The following MUC21 variants were observed in gnomAD, a reference collection of about 807,000 sequenced individuals.
The protein encoded by MUC21 is mucin 21, cell surface associated, also known as mucin-21.
MUC21 carries 8 observed loss-of-function variants against 9.1 expected under a neutral mutation model. The ratio of observed to expected loss-of-function variants is 0.88; its 90% confidence interval spans 0.52 to 1.59. The LOEUF is 1.59. MUC21 is among the 40% of genes most tolerant of loss of function. The pLI, the probability that MUC21 is intolerant of heterozygous loss-of-function variation, is 0.00. For synonymous variants in MUC21, 189 were observed against 275.2 expected (o/e 0.69, Z 3.10); for missense variants, 478 against 694.2 (o/e 0.69, Z 3.50).
Position 30,987,436 on chromosome 6 carries a change from A to G in MUC21, c.1261A>G (p.Thr421Ala), listed in dbSNP as rs774379999. ...STVSSGASTATNSESSTTSSG... is the reference protein window; with the variant it reads ...STVSSGASTAANSESSTTSSG... ...AGTGTCCAGTGGGGCCAGCACTGCC[A>G]CCAATTCTGAGTCCAGCACAACCTC... Residue 421 changes from threonine (T) to alanine (A), a missense_variant, in exon 2 of 3, where the codon ACC becomes GCC. Coordinates refer to ENST00000376296, the MANE Select transcript of MUC21 (RefSeq NM_001010909.5). The G allele has an allele frequency of 1.9e-6, 3 of 1,602,452 alleles. No individual in the cohort carries two copies. The South Asian group carries it at 3.3e-5, about 18-fold the overall frequency.
In MUC21 at chr6:30,989,844, T is replaced by A. The variant is rs905987431; in HGVS notation, c.*1650T>A. On this transcript the variant is annotated 3_prime_UTR_variant, in exon 3 of 3. Coordinates refer to ENST00000376296, the MANE Select transcript of MUC21 (RefSeq NM_001010909.5). ...GGGAGTGTGGGAATCCACCATCTTG[T>A]GGCCACCTCAGACATCACTTCTCTT... 1 of 152,246 alleles carries A rather than the reference T, an allele frequency of 6.6e-6. No individual in the cohort carries two copies. Among genetic ancestry groups the A allele is most frequent in the Non-Finnish European group, 1.5e-5 (1 of 68,046 alleles). The allele number at this position is 152,246 out of a possible 1,614,324, so 9.4% of individuals were successfully genotyped here. A position where few individuals can be genotyped will look rare whatever the true frequency, so the allele number is the denominator to read the frequency against.
rs752224226 is a variant in MUC21 at position 30,984,018 on chromosome 6, TG to T, written c.61+1del. On this transcript the variant is annotated frameshift_variant and splice_region_variant, in exon 1 of 3. Coordinates refer to ENST00000376296, the MANE Select transcript of MUC21 (RefSeq NM_001010909.5). LOFTEE classifies it high-confidence loss of function. ...TTGGTCTACTATTGCATTTAGAAGC[TG>T]GTGAGTGATTTTATTTAAAATCGGG... is the stretch of plus-strand genomic sequence containing the variant. ...MFGLLLHLEA[A>X]TNSNETSTSA... is the part of the protein sequence containing the mutation. 1.3e-6 allele frequency: 1 copy of T among 779,788 alleles called. No individual in the cohort carries two copies. The highest frequency in any genetic ancestry group is 1.7e-5 in the African/African-American group (1 of 59,234). 48.3% of individuals were successfully genotyped at this position (779,788 alleles called of 1,614,324 possible).
Position 30,989,553 on chromosome 6 carries a change from A to C in MUC21, c.*1359A>C, listed in dbSNP as rs1196113325. On this transcript the variant is annotated 3_prime_UTR_variant, in exon 3 of 3. Coordinates refer to ENST00000376296, the MANE Select transcript of MUC21 (RefSeq NM_001010909.5). ...TGGTCTTGAACTCCTGGCCTCCTTG[A>C]ACTCCTCCTGCCTTGGCCTCCCAAA... 1.3e-5 allele frequency: 2 copies of C among 152,048 alleles called. No homozygotes were observed. Among genetic ancestry groups the C allele is most frequent in the African/African-American group, 4.8e-5 (2 of 41,376 alleles). The allele number at this position is 152,048 out of a possible 1,614,324, so 9.4% of individuals were successfully genotyped here. A position where few individuals can be genotyped will look rare whatever the true frequency, so the allele number is the denominator to read the frequency against.
chr6:30,986,332 A>T lies in MUC21; in HGVS notation c.157A>T (p.Thr53Ser). The T allele has an allele frequency of 6.2e-7, 1 of 1,611,754 alleles. No individual in the cohort carries two copies. The highest frequency in any genetic ancestry group is 8.5e-7 in the Non-Finnish European group (1 of 1,179,096). The change falls in exon 2 of 3, where the codon ACC becomes TCC. Residue 53 changes from threonine to serine, a missense_variant. By Grantham distance (58) the Thr-to-Ser change is moderately conservative. Around this residue, in one of 5 missense-constraint regions of MUC21, gnomAD observed 110 missense variants for 108.3 expected, o/e 1.02. Transcript: ENST00000376296. ...AGCCACCAACTCTGGGTCCAGTGTG[A>T]CCTCCAGTGGGGTCAGCACAGCCAC... ...STATNSGSSV[T>S]SSGVSTATIS...
In MUC21 at chr6:30,983,994, T is replaced by C; in HGVS notation, c.36T>C (p.Phe12=). ...AGAAAGGAAATGTTCTCCTTATGTT[T>C]GGTCTACTATTGCATTTAGAAGCTG... is the stretch of plus-strand genomic sequence containing the variant. ...KMQKGNVLLM[F]GLLLHLEAAT... The change falls in exon 1 of 3, where the codon TTT becomes TTC. Residue 12 remains phenylalanine (F), a synonymous_variant. Transcript: ENST00000376296. 1.3e-6 allele frequency: 1 copy of C among 779,902 alleles called. No homozygotes were observed. The highest frequency in any genetic ancestry group is 2.4e-6 in the Non-Finnish European group (1 of 418,094). 48.3% of individuals were successfully genotyped at this position (779,902 alleles called of 1,614,324 possible).
rs552882169 is a variant in MUC21, at chr6:30,987,260, A to C, written c.1085A>C (p.Asn362Thr). 1.9e-6 allele frequency: 3 copies of C among 1,567,668 alleles called. No individual in the cohort carries two copies. Among genetic ancestry groups the C allele is most frequent in the South Asian group, 2.2e-5 (2 of 89,632 alleles). The change falls in exon 2 of 3, where the codon AAC (asparagine) becomes ACC (threonine). Residue 362 changes from asparagine (N) to threonine (T), a missense_variant. This residue lies in a region of MUC21 where 155 missense variants were observed against 235.2 expected (regional missense o/e 0.66). Transcript: ENST00000376296. ...TTSSGASTAT[N>T]SGSSTTSSGT... ...TCCAGTGGGGCCAGCACAGCCACCA[A>C]CTCTGGGTCCAGCACGACCTCCAGT... is the stretch of plus-strand genomic sequence containing the variant.
rs1331457807 is a variant in MUC21, at chr6:30,987,628, C to T, written c.1453C>T (p.Leu485=). The change falls in exon 2 of 3, where the codon CTG becomes TTG. Residue 485 remains leucine (L), a synonymous_variant. Transcript: ENST00000376296. The part of the protein sequence containing the change: ...LVPWEIFLIT[L]VSVVAAVGLF... ...GCCGTGGGAAATCTTCCTCATCACC[C>T]TGGTCTCGGTTGTGGCGGCCGTGGG... is the stretch of plus-strand genomic sequence containing the variant. 1.9e-6 allele frequency: 3 copies of T among 1,614,258 alleles called. No individual in the cohort carries two copies. The highest frequency in any genetic ancestry group is 2.5e-6 in the Non-Finnish European group (3 of 1,180,054).
chr6:30,987,902 G>T, intron 2 of MUC21, 98 bp from the exon 3 acceptor site: 1 of 1,067,344 alleles, frequency 9.4e-7, no homozygotes, highest in Non-Finnish European at 1.4e-6. Flanking sequence ...TAGGTAAAGA[G>T]TGTGGTTGGA....
In MUC21 at chr6:30,987,060, T is replaced by G. The variant is rs141846588; in HGVS notation, c.885T>G (p.Ser295Arg). The G allele has an allele frequency of 1.7e-4, 265 of 1,589,708 alleles. 2 individuals are homozygous for G. In the African/African-American group the frequency reaches 3.4e-3, roughly 20 times the overall value. The part of the protein sequence containing the change: ...VTNSESSTPS[S>R]GANTATNSES... ...ATTCTGAGTCCAGCACACCCTCCAG[T>G]GGGGCCAACACAGCCACCAACTCTG... The change falls in exon 2 of 3, where the codon AGT becomes AGG. Residue 295 changes from serine to arginine, a missense_variant. Around this residue, in one of 5 missense-constraint regions of MUC21, gnomAD observed 155 missense variants for 235.2 expected, o/e 0.66. Coordinates refer to ENST00000376296, the MANE Select transcript of MUC21 (RefSeq NM_001010909.5).
At position 30,988,085 on chromosome 6, in the gene MUC21, G is replaced by T. The variant is rs1762463493; in HGVS notation, c.1592G>T (p.Gly531Val). 6.2e-7 allele frequency: 1 copy of T among 1,608,616 alleles called. No individual in the cohort carries two copies. The highest frequency in any genetic ancestry group is 8.5e-7 in the Non-Finnish European group (1 of 1,175,998). Residue 531 changes from glycine (G) to valine (V), a missense_variant, in exon 3 of 3, where the codon GGA becomes GTA. Transcript: ENST00000376296. ...GLNHGLGPGPGGNHGAPHRPR... is the reference protein window; with the variant it reads ...GLNHGLGPGPVGNHGAPHRPR... ...AACCATGGCCTTGGTCCAGGCCCTG[G>T]AGGGAATCATGGAGCCCCCCACAGG...
intron 1 of MUC21, among the ~76,000 whole-genome samples, chr6:30,985,251 C>T (rs898512153): frequency 3.9e-5 from 6 of 152,228 alleles, no homozygotes; most frequent in African/African-American, 1.4e-4. Flanking sequence ...AGCCCTTATT[C>T]CTGGGAGCTC....
Position 30,988,273 on chromosome 6 carries a change from C to G in MUC21, c.*79C>G. On this transcript the variant is annotated 3_prime_UTR_variant, in exon 3 of 3. Coordinates refer to ENST00000376296, the MANE Select transcript of MUC21 (RefSeq NM_001010909.5). The stretch of plus-strand genomic sequence containing the variant: ...CAAGACCTGGTTTCCTTTCATTCAT[C>G]CCAGGAGACCCCTCCCAGCTTTGTT... 3 of 1,300,762 alleles carry G rather than the reference C, an allele frequency of 2.3e-6. No homozygotes were observed. The highest frequency in any genetic ancestry group is 3.1e-6 in the Non-Finnish European group (3 of 958,498). The allele number at this position is 1,300,762 out of a possible 1,614,324, so 80.6% of individuals were successfully genotyped here.
chr6:30,987,789 G>A, intron 2 of MUC21, 108 bp downstream of exon 2: 1 of 1,499,702 alleles, frequency 6.7e-7, no homozygotes, highest in Non-Finnish European at 8.9e-7. Flanking sequence ...AGGGAGGAAG[G>A]GAGATCAGGA....
rs561263804 is a variant in MUC21, at chr6:30,986,204, C to A, written c.62-33C>A. 2.6e-6 allele frequency: 4 copies of A among 1,552,230 alleles called. No individual in the cohort carries two copies. The East Asian group carries it at 6.8e-5, about 26-fold the overall frequency. On this transcript the variant is annotated intron_variant, in intron 1 of 2. Transcript: ENST00000376296. The stretch of plus-strand genomic sequence containing the variant: ...GCAATAAGCAGAAAGTATATACACA[C>A]AATATATATTTGTCATTATATGATT...
rs1327148589 is a variant in MUC21, at chr6:30,983,945, CCA to C, written c.-11_-10del. On this transcript the variant is annotated 5_prime_UTR_variant, in exon 1 of 3. Transcript: ENST00000376296. ...AGGACCCAGGCATCTTGCTTTCCAG[CCA>C]CAAAGAGACAGATGAAGATGCAGAA... 1 of 779,300 alleles carries C rather than the reference CCA, an allele frequency of 1.3e-6. No individual in the cohort carries two copies. The highest frequency in any genetic ancestry group is 2.4e-5 in the East Asian group (1 of 41,228). The allele number at this position is 779,300 out of a possible 1,614,324, so 48.3% of individuals were successfully genotyped here.
chr6:30,987,653 G>A lies in MUC21; in HGVS notation c.1478G>A (p.Gly493Glu). ...ITLVSVVAAVGLFAGLFFCVR... is the reference protein window; with the variant it reads ...ITLVSVVAAVELFAGLFFCVR... ...CTGGTCTCGGTTGTGGCGGCCGTGG[G>A]GCTCTTTGCTGGGCTCTTCTTCTGT... Residue 493 changes from glycine (G) to glutamate (E), a missense_variant, in exon 2 of 3, where the codon GGG (glycine) becomes GAG (glutamate). Gly to Glu is a moderately conservative substitution (Grantham distance 98). Coordinates refer to ENST00000376296, the MANE Select transcript of MUC21 (RefSeq NM_001010909.5). 1 of 1,614,012 alleles carries A rather than the reference G, an allele frequency of 6.2e-7. No homozygotes were observed. Among genetic ancestry groups the A allele is most frequent in the Non-Finnish European group, 8.5e-7 (1 of 1,180,006 alleles).
chr6:30,989,790 C>T lies in MUC21; in HGVS notation c.*1596C>T, dbSNP rs1159903200. ...AGTTGCACATGTTTTCCCCTAAAAG[C>T]TTACTCTAGAAAGGATATTTTTTGG... On this transcript the variant is annotated 3_prime_UTR_variant, in exon 3 of 3. Transcript: ENST00000376296. 6.6e-6 allele frequency: 1 copy of T among 152,232 alleles called. No individual in the cohort carries two copies. Among genetic ancestry groups the T allele is most frequent in the Non-Finnish European group, 1.5e-5 (1 of 68,044 alleles). The allele number at this position is 152,232 out of a possible 1,614,324, so 9.4% of individuals were successfully genotyped here.
Position 30,989,090 on chromosome 6 carries a change from G to T in MUC21, c.*896G>T, listed in dbSNP as rs1373879119. Reference sequence around the variant, plus strand: ...AAGACAGAGGGGAGCTGCTTTAGAGGCTAAGTTGCTTTGAGCCCACAAGGT... The same window carrying T: ...AAGACAGAGGGGAGCTGCTTTAGAGTCTAAGTTGCTTTGAGCCCACAAGGT... On this transcript the variant is annotated 3_prime_UTR_variant, in exon 3 of 3. Coordinates refer to ENST00000376296, the MANE Select transcript of MUC21 (RefSeq NM_001010909.5). 1 of 151,084 alleles carries T rather than the reference G, an allele frequency of 6.6e-6. No individual in the cohort carries two copies. The highest frequency in any genetic ancestry group is 1.5e-5 in the Non-Finnish European group (1 of 67,474). 9.4% of individuals were successfully genotyped at this position (151,084 alleles called of 1,614,324 possible).
Position 30,986,989 on chromosome 6 carries a change from A to T in MUC21, c.814A>T (p.Asn272Tyr), listed in dbSNP as rs1475250019. 6.2e-7 allele frequency: 1 copy of T among 1,605,022 alleles called. No individual in the cohort carries two copies. The highest frequency in any genetic ancestry group is 8.5e-7 in the Non-Finnish European group (1 of 1,174,522). Reference protein sequence around the residue: ...TTSSGAGTATNSESSTVSSGI... With the variant: ...TTSSGAGTATYSESSTVSSGI... ...CTCCAGTGGGGCCGGCACAGCCACC[A>T]ACTCTGAGTCCAGCACAGTGTCCAG... Residue 272 changes from asparagine to tyrosine, a missense_variant, in exon 2 of 3, where the codon AAC (asparagine) becomes TAC (tyrosine). Asn to Tyr is a moderately radical substitution (Grantham distance 143). Coordinates refer to ENST00000376296, the MANE Select transcript of MUC21 (RefSeq NM_001010909.5).
Sources: gnomAD v4.1 joint callset for allele counts (sites outside exome capture counted in the v4.1 genomes callset) on GRCh38, gnomAD v4.1.1 for gene constraint, gnomAD v4.1.1 regional missense constraint, MANE v1.5 for transcripts, NCBI Gene and HGNC (gene_info 2026-07-23, HGNC 2026-07-21) for gene names.